SSBP3: variants seen among roughly 807,000 people sequenced by gnomAD.
SSBP3 encodes the protein single-stranded DNA-binding protein 3.
SSBP3 carries 5 observed loss-of-function variants against 69.6 expected under a neutral mutation model. The observed-to-expected ratio is 0.07, with a 90% CI of 0.04 to 0.15. The LOEUF is 0.15. Ranked by LOEUF, SSBP3 falls within the 10% of genes least tolerant of loss-of-function variation. The probability of loss-of-function intolerance (pLI) is 1.00; values close to 1 mark genes in which losing one functional copy is unlikely to be tolerated. For missense variants in SSBP3, 312 were observed against 534.0 expected (o/e 0.58, Z 4.10); for synonymous variants, 196 against 193.4 (o/e 1.01, Z -0.11).
intron 10 of SSBP3, 126 bp from the exon 11 acceptor site, chr1:54,242,338 T>G: frequency 1.9e-4 from 205 of 1,094,874 alleles, no homozygotes; most frequent in Non-Finnish European, 2.5e-4. Flanking sequence ...GCCCTGCGGT[T>G]TAGAGCCTTC....
intron 4 of SSBP3, among the ~76,000 whole-genome samples, chr1:54,336,968 A>T (rs1230502247): frequency 1.3e-5 from 2 of 152,188 alleles, no homozygotes; most frequent in Non-Finnish European, 2.9e-5. Context: ...TCTACTCTGG[A>T]TGGAGGAATG....
intron 4 of SSBP3, among the ~76,000 whole-genome samples, chr1:54,342,927 G>A (rs897212938): frequency 2.6e-5 from 4 of 152,168 alleles, no homozygotes; most frequent in Admixed American, 2.0e-4. Context: ...AACGCTCCCC[G>A]ATGCCGACAG....
rs889054005 is a variant in SSBP3 at position 54,336,804 on chromosome 1, G to A, written c.277-55277C>T. ...TGGGGACACTCGAGCTATATGCAGA[G>A]GGTCCCAGAAGGCACACGTTAGGTC... On this transcript the variant is annotated intron_variant, in intron 4 of 17. Transcript: ENST00000610401. Among the ~76,000 whole-genome samples the A allele has an allele frequency of 3.3e-5, 5 of 152,150 alleles. No homozygotes were observed. The East Asian group carries it at 9.7e-4, about 29-fold the overall frequency.
At chr1:54,276,287 C>G (rs1645281792) in intron 5 of SSBP3, among the ~76,000 whole-genome samples, 1 of 152,104 alleles carries the variant, frequency 6.6e-6, no homozygotes, top group Non-Finnish European at 1.5e-5. Flanking sequence ...TCTGCTGGGT[C>G]TCTGTCACGC....
chr1:54,326,199 C>G (rs762707337), intron 4 of SSBP3: 8 of 152,228 alleles, frequency 5.3e-5, no homozygotes, highest in Non-Finnish European at 1.0e-4. Flanking sequence ...AATGAACAGC[C>G]AGTCCCATCT....
intron 4 of SSBP3, among the ~76,000 whole-genome samples, chr1:54,314,583 G>C (rs779311801): frequency 6.6e-6 from 1 of 152,234 alleles, no homozygotes; most frequent in African/African-American, 2.4e-5. Context: ...TTAAATGGAT[G>C]AGCAGTTAGT....
At chr1:54,276,633 A>T (rs1425437512) in intron 5 of SSBP3, among the ~76,000 whole-genome samples, 2 of 147,472 alleles carry the variant, frequency 1.4e-5, no homozygotes, top group African/African-American at 5.0e-5. Context: ...AAAAAAAAAA[A>T]GGTGTCAGCT....
intron 4 of SSBP3, among the ~76,000 whole-genome samples, chr1:54,393,770 A>T (rs984558995): frequency 1.3e-5 from 2 of 152,040 alleles, no homozygotes; most frequent in Non-Finnish European, 2.9e-5. Context: ...TTATTTTTTT[A>T]TTTTTTTGAG....
intron 14 of SSBP3, among the ~76,000 whole-genome samples, chr1:54,233,495 T>C (rs924379092): frequency 1.6e-5 from 2 of 127,482 alleles, no homozygotes; most frequent in African/African-American, 6.1e-5. Context: ...AGGTGGGGGG[T>C]CAGCCCCCCG....
At chr1:54,406,179 G>T in exon 1 of SSBP3, 2 of 485,136 alleles carry the variant, frequency 4.1e-6, no homozygotes, top group Non-Finnish European at 7.0e-6. Flanking sequence ...CCAGGCGCTG[G>T]CTCCGCGCTC....
At chr1:54,232,623 C>T (rs931956187) in intron 14 of SSBP3, among the ~76,000 whole-genome samples, 3 of 152,102 alleles carry the variant, frequency 2.0e-5, no homozygotes, top group South Asian at 2.1e-4. Flanking sequence ...TCTCTTTCCA[C>T]GGTCTCCCTC....
chr1:54,281,746 C>T (rs959147196), intron 4 of SSBP3, among the ~76,000 whole-genome samples: 1 of 152,136 alleles, frequency 6.6e-6, no homozygotes, highest in African/African-American at 2.4e-5. Flanking sequence ...GGACTCAATT[C>T]CCAGGTCCGG....
upstream of SSBP3, among the ~76,000 whole-genome samples, chr1:54,410,826 C>A (rs1435862940): frequency 6.6e-6 from 1 of 152,110 alleles, no homozygotes. Context: ...GCCTACTAGG[C>A]TATTAGTCAG....
exon 1 of SSBP3, chr1:54,406,242 C>G (rs1238156075): frequency 8.0e-6 from 3 of 373,386 alleles, no homozygotes; most frequent in East Asian, 8.1e-5. Flanking sequence ...CCCTGGAACT[C>G]CTTCCGCGCC....
At chr1:54,271,177 C>T (rs59129241) in intron 5 of SSBP3, among the ~76,000 whole-genome samples, 2 of 152,176 alleles carry the variant, frequency 1.3e-5, no homozygotes, top group South Asian at 4.2e-4. Flanking sequence ...GTGGTGTGAT[C>T]GAGGCTCACT....
At chr1:54,406,179 G>C (rs1260179913) in exon 1 of SSBP3, 10 of 485,030 alleles carry the variant, frequency 2.1e-5, no homozygotes, top group South Asian at 1.6e-4. Context: ...CCAGGCGCTG[G>C]CTCCGCGCTC....
At chr1:54,401,796 G>A (rs951641895) in intron 4 of SSBP3, 65 bp downstream of exon 4, 3 of 1,404,248 alleles carry the variant, frequency 2.1e-6, no homozygotes, top group East Asian at 2.3e-5. Context: ...TTTGCTTTTC[G>A]TACTAGAGAA....
chr1:54,253,745 T>C (rs1665224620), intron 7 of SSBP3, among the ~76,000 whole-genome samples: 1 of 152,178 alleles, frequency 6.6e-6, no homozygotes, highest in Non-Finnish European at 1.5e-5. Flanking sequence ...TCCCAGGACA[T>C]GGAGGTGGAT....
At chr1:54,343,688 G>A (rs537221880) in intron 4 of SSBP3, among the ~76,000 whole-genome samples, 4 of 152,238 alleles carry the variant, frequency 2.6e-5, no homozygotes, top group Non-Finnish European at 4.4e-5. Context: ...AGGTATCTAC[G>A]GCCCCATAAA....
Sources: allele counts gnomAD v4.1 joint callset (sites outside exome capture counted in the v4.1 genomes callset), GRCh38; gene constraint gnomAD v4.1.1; transcripts MANE v1.5; gene names NCBI Gene and HGNC (gene_info 2026-07-23, HGNC 2026-07-21).